RELT: variants seen among roughly 807,000 people sequenced by gnomAD.
RELT encodes the protein tumor necrosis factor receptor superfamily member 19L.
In RELT, 37 loss-of-function variants were observed where a neutral mutation model predicts 51.1. The observed-to-expected ratio is 0.72, with a 90% CI of 0.56 to 0.95. The LOEUF (loss-of-function observed/expected upper bound fraction) is 0.95. RELT is among the 40% of genes least tolerant of loss of function. The probability of loss-of-function intolerance (pLI) is 0.00; values close to 1 mark genes in which losing one functional copy is unlikely to be tolerated. For missense variants in RELT, 535 were observed against 572.6 expected (o/e 0.93, Z 0.67); for synonymous variants, 241 against 235.7 (o/e 1.02, Z -0.21).
chr11:73,391,657 G>A (rs551240540), intron 5 of RELT, among the ~76,000 whole-genome samples: 27 of 152,268 alleles, frequency 1.8e-4, no homozygotes, highest in African/African-American at 5.3e-4. Context: ...TTAGCCGGGC[G>A]TGGTGGTGCT....
chr11:73,390,605 C>G lies in RELT; in HGVS notation c.100C>G (p.Pro34Ala). 1 of 1,613,968 alleles carries G rather than the reference C, an allele frequency of 6.2e-7. No homozygotes were observed. The highest frequency in any genetic ancestry group is 8.5e-7 in the Non-Finnish European group (1 of 1,179,996). Residue 34 changes from proline to alanine, a missense_variant, in exon 3 of 11, where the codon CCT becomes GCT. By Grantham distance (27) the Pro-to-Ala change is conservative (BLOSUM62 -1). Coordinates refer to ENST00000064780, the MANE Select transcript of RELT (RefSeq NM_152222.2). ...ATCAACAACCCTTTGGCAGTGCCCA[C>G]CTGGGGAGGAGCCCGACCTGGTGAG... ...LTSTTLWQCP[P>A]GEEPDLDPGQ...
At position 73,389,126 on chromosome 11, in the gene RELT, G is replaced by T; in HGVS notation, c.-11G>T. The T allele has an allele frequency of 6.5e-7, 1 of 1,547,216 alleles. No individual in the cohort carries two copies. The highest frequency in any genetic ancestry group is 2.4e-5 in the East Asian group (1 of 40,898). On this transcript the variant is annotated 5_prime_UTR_variant, in exon 2 of 11. In the 5' UTR this introduces an upstream ATG that the reference lacks. Transcript: ENST00000064780. Reference sequence around the variant, plus strand: ...ATCTGCCCTAGGCCGGCGACCACCAGGGGCCTGAGGATGAAGCCAAGTCTG... The same window carrying T: ...ATCTGCCCTAGGCCGGCGACCACCATGGGCCTGAGGATGAAGCCAAGTCTG...
At chr11:73,379,653 G>T (rs1030546035) in intron 1 of RELT, among the ~76,000 whole-genome samples, 1 of 152,164 alleles carries the variant, frequency 6.6e-6, no homozygotes, top group African/African-American at 2.4e-5. Flanking sequence ...TTCCCTGGCG[G>T]CTGGAGGTTG....
intron 1 of RELT, among the ~76,000 whole-genome samples, chr11:73,378,063 C>T (rs1865997726): frequency 6.6e-6 from 1 of 152,164 alleles, no homozygotes; most frequent in Admixed American, 6.5e-5. Context: ...TTCTTCAGTT[C>T]CTTGGGTTGG....
In RELT at chr11:73,394,688, G is replaced by A; in HGVS notation, c.1000G>A (p.Ala334Thr). The A allele has an allele frequency of 6.2e-7, 1 of 1,613,170 alleles. No individual in the cohort carries two copies. Among genetic ancestry groups the A allele is most frequent in the Non-Finnish European group, 8.5e-7 (1 of 1,179,994 alleles). The change falls in exon 9 of 11, where the codon GCC becomes ACC. Residue 334 changes from alanine to threonine, a missense_variant. By Grantham distance (58) the Ala-to-Thr change is moderately conservative (BLOSUM62 0). Coordinates refer to ENST00000064780, the MANE Select transcript of RELT (RefSeq NM_152222.2). This position sits in a 1 kb window ranked among gnomAD's most constrained non-coding sequence, Gnocchi z 4.9. ...PNPTRVPKAG[A>T]KAGRQGEITI... The stretch of plus-strand genomic sequence containing the variant: ...CCCGACCAGGGTTCCCAAGGCCGGG[G>A]CCAAGGCAGGGCGTCAGGGCGAGAT...
intron 1 of RELT, among the ~76,000 whole-genome samples, chr11:73,382,782 C>T (rs79755881): frequency 0.018 from 2,753 of 152,240 alleles, 54 homozygotes; most frequent in African/African-American, 0.056. Context: ...CAGTAGTGCT[C>T]AGTGAGGAGG....
At position 73,395,062 on chromosome 11, in the gene RELT, G is replaced by A. The variant is rs780914208; in HGVS notation, c.1047-25G>A. On this transcript the variant is annotated intron_variant, in intron 9 of 10. Coordinates refer to ENST00000064780, the MANE Select transcript of RELT (RefSeq NM_152222.2). ...GTGCCCCGGGATCCCCGCTAACGGG[G>A]ATGATTGCCCCACTCTCCTCACAGG... 36 of 1,594,082 alleles carry A rather than the reference G, an allele frequency of 2.3e-5. No individual in the cohort carries two copies. In the South Asian group the frequency reaches 3.9e-4, roughly 17 times the overall value.
chr11:73,390,480 G>A (rs1454988354), intron 2 of RELT, 71 bp from the exon 3 acceptor site: 16 of 1,395,592 alleles, frequency 1.1e-5, no homozygotes, highest in Admixed American at 1.7e-5. Context: ...GGAAATAGGT[G>A]GGGGATAGAT....
At chr11:73,384,771 C>G (rs1296558112) in intron 1 of RELT, 2 of 152,304 alleles carry the variant, frequency 1.3e-5, no homozygotes, top group African/African-American at 4.8e-5. Flanking sequence ...TCAGCCCATA[C>G]CCGCCCAGGT....
chr11:73,385,917 A>G (rs956594301), intron 1 of RELT, among the ~76,000 whole-genome samples: 3 of 152,188 alleles, frequency 2.0e-5, no homozygotes, highest in Admixed American at 6.5e-5. Context: ...CTGCAGTCCT[A>G]GTTACTCAGG....
At chr11:73,393,422 A>G (rs1866250548) in intron 6 of RELT, 1 of 1,178,634 alleles carries the variant, frequency 8.5e-7, no homozygotes. Flanking sequence ...AAATTGTTAC[A>G]TAGGGCACAG....
At chr11:73,392,800 A>C in intron 6 of RELT, 20 of 1,248,508 alleles carry the variant, frequency 1.6e-5, no homozygotes, top group Non-Finnish European at 2.0e-5. Context: ...GAGTTACTCA[A>C]GGTGACCTCT....
At chr11:73,393,049 A>G (rs781185972) in intron 6 of RELT, 395 of 997,104 alleles carry the variant, frequency 4.0e-4, no homozygotes, top group Middle Eastern at 3.1e-3. Context: ...ACTCGCACAC[A>G]CCCTGCCCTG....
At chr11:73,378,782 C>A (rs1384520202) in intron 1 of RELT, among the ~76,000 whole-genome samples, 5 of 152,246 alleles carry the variant, frequency 3.3e-5, no homozygotes, top group Non-Finnish European at 5.9e-5. Context: ...ACCAGAAAGT[C>A]CTGTCCCCTG....
At position 73,387,955 on chromosome 11, in the gene RELT, G is replaced by A. The variant is rs543049798; in HGVS notation, c.-25-1157G>A. ...GAAGAGCACGGCTTTCCTCAGCCTCGTGCCCCTGAAGCCAGGCCTCCAGGA... is the reference window on the plus strand; with the variant it reads ...GAAGAGCACGGCTTTCCTCAGCCTCATGCCCCTGAAGCCAGGCCTCCAGGA... On this transcript the variant is annotated intron_variant, in intron 1 of 10. Coordinates refer to ENST00000064780, the MANE Select transcript of RELT (RefSeq NM_152222.2). Among the ~76,000 whole-genome samples the A allele has an allele frequency of 6.6e-5, 10 of 152,282 alleles. No individual in the cohort carries two copies. In the South Asian group the frequency reaches 1.2e-3, roughly 19 times the overall value.
At chr11:73,395,342 G>A (rs957190330) in intron 10 of RELT, 57 bp downstream of exon 10, 15 of 1,583,854 alleles carry the variant, frequency 9.5e-6, no homozygotes, top group East Asian at 6.7e-5. Flanking sequence ...GACCGAAGAC[G>A]GGGCAGGGGT....
Position 73,376,509 on chromosome 11 carries a change from G to A in RELT, c.-26+10G>A, listed in dbSNP as rs1865968530. 1 of 152,026 alleles carries A rather than the reference G, an allele frequency of 6.6e-6. No individual in the cohort carries two copies. Among genetic ancestry groups the A allele is most frequent in the Non-Finnish European group, 1.5e-5 (1 of 67,974 alleles). The allele number at this position is 152,026 out of a possible 1,614,324, so 9.4% of individuals were successfully genotyped here. On this transcript the variant is annotated intron_variant, in intron 1 of 10. Transcript: ENST00000064780. The stretch of plus-strand genomic sequence containing the variant: ...GCCGCGGCGCAGCCAGGTAAGGAGG[G>A]CGCGCGGAGCGCCCATCCAGAGTCT...
intron 6 of RELT, chr11:73,393,386 C>T: frequency 1.7e-6 from 2 of 1,149,980 alleles, no homozygotes; most frequent in South Asian, 3.6e-5. Context: ...AGATTTGGGC[C>T]CAAAGCTGAC....
rs1203105818 is a variant in RELT, at chr11:73,376,407, C to T, written c.-118C>T. ...CAGCCGGCGATTCATTCAAAAGGCG[C>T]GCAGGCTGCGCGGCTGTCCGGGCGC... On this transcript the variant is annotated 5_prime_UTR_variant, in exon 1 of 11. Transcript: ENST00000064780. The T allele has an allele frequency of 1.3e-5, 2 of 151,920 alleles. No individual in the cohort carries two copies. The highest frequency in any genetic ancestry group is 2.4e-5 in the African/African-American group (1 of 41,400). The allele number at this position is 151,920 out of a possible 1,614,324, so 9.4% of individuals were successfully genotyped here. A position where few individuals can be genotyped will look rare whatever the true frequency, so the allele number is the denominator to read the frequency against.
Sources: gnomAD v4.1 joint callset for allele counts (sites outside exome capture counted in the v4.1 genomes callset) on GRCh38, gnomAD v4.1.1 for gene constraint, Gnocchi (gnomAD v3.1) non-coding constraint, MANE v1.5 for transcripts, NCBI Gene and HGNC (gene_info 2026-07-23, HGNC 2026-07-21) for gene names.